The following PLXNA4 variants were observed in gnomAD, a reference collection of about 807,000 sequenced individuals.
PLXNA4 encodes plexin A4.
In PLXNA4, 44 loss-of-function variants were observed where a neutral mutation model predicts 191.8. That is an observed-to-expected ratio of 0.23 (90% CI 0.18 to 0.29). The LOEUF (loss-of-function observed/expected upper bound fraction) is 0.29. Among genes scored for constraint, PLXNA4 ranks in the 10% least tolerant of loss-of-function variants. PLXNA4 has a pLI of 1.00. For missense variants in PLXNA4, 1,800 were observed against 2,488.8 expected (o/e 0.72, Z 5.89); for synonymous variants, 1,082 against 1,009.5 (o/e 1.07, Z -1.36).
At chr7:132,412,049 C>T (rs920662104) in intron 3 of PLXNA4, among the ~76,000 whole-genome samples, 15 of 152,206 alleles carry the variant, frequency 9.9e-5, no homozygotes, top group African/African-American at 7.2e-5. Context: ...CTTCACAACC[C>T]CCAGGTAGGA....
chr7:132,576,760 C>A (rs1802259405), upstream of PLXNA4: 1 of 268,976 alleles, frequency 3.7e-6, no homozygotes, highest in Non-Finnish European at 5.7e-6. The surrounding 1 kb of genome is among the most constrained non-coding windows in gnomAD (Gnocchi z 5.8). Flanking sequence ...GCAGCGGCGG[C>A]GGCTCTCGGG....
upstream of PLXNA4, among the ~76,000 whole-genome samples, chr7:132,577,466 T>C (rs1459349975): frequency 3.4e-5 from 5 of 146,554 alleles, no homozygotes; most frequent in Non-Finnish European, 1.5e-5. Context: ...GCTCCCTCTC[T>C]GGCTCGCTCT....
At chr7:132,347,662 C>A (rs1045014550) in intron 3 of PLXNA4, among the ~76,000 whole-genome samples, 1 of 152,100 alleles carries the variant, frequency 6.6e-6, no homozygotes, top group Admixed American at 6.5e-5. Context: ...GGGGGACAAG[C>A]AGTTGTGTGC....
At chr7:132,632,862 G>A (rs1803520528) in intron 2 of PLXNA4, among the ~76,000 whole-genome samples, 1 of 152,090 alleles carries the variant, frequency 6.6e-6, no homozygotes, top group South Asian at 2.1e-4. Context: ...GAAATTATCT[G>A]GGACCTACTG....
At chr7:132,435,434 T>C (rs984445724) in intron 3 of PLXNA4, among the ~76,000 whole-genome samples, 1 of 152,040 alleles carries the variant, frequency 6.6e-6, no homozygotes, top group Admixed American at 6.5e-5. Context: ...GACCCAGAAA[T>C]GGCCTCCAGC....
chr7:132,180,635 A>G lies in PLXNA4; in HGVS notation c.3590T>C (p.Val1197Ala). The change falls in exon 19 of 32, where the codon GTC becomes GCC. Residue 1197 changes from valine (V) to alanine (A), a missense_variant. Val to Ala is a moderately conservative substitution (Grantham distance 64, BLOSUM62 0). Around this residue, in one of 6 missense-constraint regions of PLXNA4, gnomAD observed 1,397 missense variants for 1,880.4 expected, o/e 0.74. Transcript: ENST00000321063. Reference sequence around the variant, plus strand: ...GTTGGGGGACTCGCAGAGCAGCTGGACATCTGACACGGTCACGGTGCACGG... The same window carrying G: ...GTTGGGGGACTCGCAGAGCAGCTGGGCATCTGACACGGTCACGGTGCACGG... ...EKPCTVTVSD[V>A]QLLCESPNLI... 6.2e-7 allele frequency: 1 copy of G among 1,614,196 alleles called. No individual in the cohort carries two copies. Among genetic ancestry groups the G allele is most frequent in the Middle Eastern group, 1.6e-4 (1 of 6,062 alleles).
At chr7:132,619,890 TCC>T (rs1803227736) in intron 2 of PLXNA4, among the ~76,000 whole-genome samples, 1 of 152,218 alleles carries the variant, frequency 6.6e-6, no homozygotes. Flanking sequence ...AAACTCCGCC[TCC>T]CGGGTTCATG....
At chr7:132,628,309 C>T (rs1803421318) in intron 2 of PLXNA4, among the ~76,000 whole-genome samples, 2 of 152,178 alleles carry the variant, frequency 1.3e-5, no homozygotes, top group Admixed American at 6.5e-5. Flanking sequence ...GCTCTGTTGA[C>T]TCCTGCTCCT....
Position 132,228,405 on chromosome 7 carries a change from G to T in PLXNA4, c.1669C>A (p.Gln557Lys), listed in dbSNP as rs1562979370. 6.2e-7 allele frequency: 1 copy of T among 1,614,168 alleles called. No individual in the cohort carries two copies. Among genetic ancestry groups the T allele is most frequent in the Non-Finnish European group, 8.5e-7 (1 of 1,180,028 alleles). The change falls in exon 6 of 32, where the codon CAG becomes AAG. Residue 557 changes from glutamine to lysine, a missense_variant. Coordinates refer to ENST00000321063, the MANE Select transcript of PLXNA4 (RefSeq NM_020911.2). The part of the protein sequence containing the change: ...EPRRFASEMK[Q>K]CVRLTVHPNN... ...GGATGGACCGTCAGCCGGACACACT[G>T]CTTCATCTCCGAGGCAAACCTGCGG...
intron 3 of PLXNA4, among the ~76,000 whole-genome samples, chr7:132,340,376 C>G (rs140616015): frequency 6.6e-6 from 1 of 152,206 alleles, no homozygotes; most frequent in African/African-American, 2.4e-5. Flanking sequence ...GCTAGGCAAC[C>G]AAGCCTGGTC....
At chr7:132,406,427 C>T (rs562091055) in intron 3 of PLXNA4, among the ~76,000 whole-genome samples, 11 of 152,226 alleles carry the variant, frequency 7.2e-5, no homozygotes, top group East Asian at 5.8e-4. Context: ...AACTAGAGCG[C>T]GTTCTAACTC....
intron 3 of PLXNA4, among the ~76,000 whole-genome samples, chr7:132,317,326 G>C (rs1238594930): frequency 2.0e-5 from 3 of 151,842 alleles, no homozygotes; most frequent in African/African-American, 7.3e-5. Context: ...GATTGAGTTG[G>C]GTTGGGTTGG....
intron 5 of PLXNA4, among the ~76,000 whole-genome samples, chr7:132,240,752 G>C (rs1798850314): frequency 6.6e-6 from 1 of 152,214 alleles, no homozygotes; most frequent in Non-Finnish European, 1.5e-5. Context: ...GCCACAGTCA[G>C]GAAAGTCCAG....
intron 1 of PLXNA4, among the ~76,000 whole-genome samples, chr7:132,573,214 G>A (rs1179191568): frequency 1.3e-5 from 2 of 152,060 alleles, no homozygotes; most frequent in African/African-American, 4.8e-5. Context: ...GAGAGGAGAC[G>A]CTGGCACATC....
chr7:132,463,671 C>T (rs1309811431), intron 3 of PLXNA4, among the ~76,000 whole-genome samples: 1 of 152,176 alleles, frequency 6.6e-6, no homozygotes, highest in Non-Finnish European at 1.5e-5. Flanking sequence ...TTTTAATCTG[C>T]TCATTCTTCC....
chr7:132,208,566 C>T (rs1370172817), intron 10 of PLXNA4, among the ~76,000 whole-genome samples: 3 of 152,180 alleles, frequency 2.0e-5, no homozygotes, highest in Non-Finnish European at 4.4e-5. Flanking sequence ...ATCAGGTTCT[C>T]TTCTTGGTGA....
At chr7:132,137,957 G>A (rs1795162020) in intron 30 of PLXNA4, among the ~76,000 whole-genome samples, 1 of 151,208 alleles carries the variant, frequency 6.6e-6, no homozygotes, top group African/African-American at 2.4e-5. Flanking sequence ...TGAGAGGACA[G>A]ATAAGAAGAC....
At chr7:132,305,673 T>C (rs1229268292) in intron 3 of PLXNA4, among the ~76,000 whole-genome samples, 1 of 152,228 alleles carries the variant, frequency 6.6e-6, no homozygotes, top group Non-Finnish European at 1.5e-5. Flanking sequence ...GAACATTATC[T>C]GGGCCGGGCT....
intron 3 of PLXNA4, among the ~76,000 whole-genome samples, chr7:132,332,992 C>G (rs748540691): frequency 2.3e-4 from 35 of 152,136 alleles, no homozygotes; most frequent in Admixed American, 4.6e-4. Flanking sequence ...CTTTCTTGCT[C>G]TCTCTCACTC....
Sources: allele counts gnomAD v4.1 joint callset (sites outside exome capture counted in the v4.1 genomes callset), GRCh38; gene constraint gnomAD v4.1.1; regional missense constraint gnomAD v4.1.1; non-coding constraint Gnocchi (gnomAD v3.1); transcripts MANE v1.5; gene names NCBI Gene and HGNC (gene_info 2026-07-23, HGNC 2026-07-21).